MPPED2: variants seen among roughly 807,000 people sequenced by gnomAD.
MPPED2 encodes metallophosphoesterase domain containing 2.
A neutral mutation model predicts 33.0 loss-of-function variants in MPPED2; 5 were observed. That is an observed-to-expected ratio of 0.15 (90% CI 0.08 to 0.32). MPPED2 has a LOEUF of 0.32. Ranked by LOEUF, MPPED2 falls within the 10% of genes least tolerant of loss-of-function variation. MPPED2 has a pLI of 1.00. For missense variants in MPPED2, 275 were observed against 372.1 expected (o/e 0.74, Z 2.15); for synonymous variants, 136 against 141.9 (o/e 0.96, Z 0.29).
chr11:30,402,923 AT>A (rs1947929383), intron 6 of MPPED2, among the ~76,000 whole-genome samples: 1 of 152,134 alleles, frequency 6.6e-6, no homozygotes, highest in Non-Finnish European at 1.5e-5. Context: ...TTAGCTCTGG[AT>A]TTTTAATTTT....
At chr11:30,583,134 CTTT>C (rs199611856) in intron 1 of MPPED2, among the ~76,000 whole-genome samples, 38 of 96,676 alleles carry the variant, frequency 3.9e-4, no homozygotes, top group Middle Eastern at 6.0e-3. Context: ...AAGACTTTTT[CTTT>C]TTTTTTTTTT....
intron 3 of MPPED2, among the ~76,000 whole-genome samples, chr11:30,506,809 T>G (rs1952847287): frequency 6.6e-6 from 1 of 152,240 alleles, no homozygotes; most frequent in Admixed American, 6.5e-5. Context: ...TACTGTCATT[T>G]TTGCATGCTG....
At chr11:30,543,655 A>C (rs1955252055) in intron 2 of MPPED2, among the ~76,000 whole-genome samples, 1 of 152,210 alleles carries the variant, frequency 6.6e-6, no homozygotes. Context: ...GTGAAATTGC[A>C]ATTTACGACT....
intron 2 of MPPED2, among the ~76,000 whole-genome samples, chr11:30,545,767 G>A (rs1227419859): frequency 1.3e-5 from 2 of 152,120 alleles, no homozygotes; most frequent in Non-Finnish European, 2.9e-5. Flanking sequence ...CTTTACTCCA[G>A]CTTCTACAAT....
chr11:30,403,246 C>CAAAA (rs757620790), intron 6 of MPPED2, among the ~76,000 whole-genome samples: 1 of 107,690 alleles, frequency 9.3e-6, no homozygotes, highest in Non-Finnish European at 1.8e-5. Context: ...GACTCCGTCT[C>CAAAA]AAAAAAAAAA....
chr11:30,428,077 C>A (rs1021510280), intron 4 of MPPED2, among the ~76,000 whole-genome samples: 1 of 152,086 alleles, frequency 6.6e-6, no homozygotes, highest in Non-Finnish European at 1.5e-5. Context: ...AGCTGACATA[C>A]GGCCTGCCTT....
chr11:30,451,292 T>C (rs917687082), intron 4 of MPPED2, among the ~76,000 whole-genome samples: 1 of 152,224 alleles, frequency 6.6e-6, no homozygotes, highest in Non-Finnish European at 1.5e-5. Context: ...GCTGCTTTTG[T>C]TACATTCGAG....
intron 4 of MPPED2, among the ~76,000 whole-genome samples, chr11:30,443,881 T>C (rs1949689633): frequency 6.6e-6 from 1 of 152,226 alleles, no homozygotes; most frequent in Admixed American, 6.5e-5. Flanking sequence ...TTCTCCATAG[T>C]AATCCGAGGC....
chr11:30,481,533 C>T (rs1445997066), intron 4 of MPPED2, among the ~76,000 whole-genome samples: 1 of 152,130 alleles, frequency 6.6e-6, no homozygotes, highest in Non-Finnish European at 1.5e-5. Context: ...TAGAAACAAG[C>T]TCCAAGGACT....
intron 4 of MPPED2, among the ~76,000 whole-genome samples, chr11:30,476,128 T>G (rs1410518140): frequency 6.6e-6 from 1 of 152,100 alleles, no homozygotes; most frequent in Non-Finnish European, 1.5e-5. Flanking sequence ...GACTCCTTTA[T>G]GTATTCTGGA....
chr11:30,412,161 A>G (rs1175655225), intron 6 of MPPED2, among the ~76,000 whole-genome samples: 1 of 151,232 alleles, frequency 6.6e-6, no homozygotes, highest in African/African-American at 2.4e-5. Flanking sequence ...GTTCCATTTC[A>G]TTCAAAAGTG....
intron 4 of MPPED2, among the ~76,000 whole-genome samples, chr11:30,494,192 T>G (rs1210491099): frequency 6.6e-6 from 1 of 151,930 alleles, no homozygotes; most frequent in Non-Finnish European, 1.5e-5. Flanking sequence ...GTAGGGAGGT[T>G]TGAGAAACCC....
chr11:30,504,686 A>G, intron 3 of MPPED2: 1 of 925,078 alleles, frequency 1.1e-6, no homozygotes, highest in Non-Finnish European at 1.5e-6. Flanking sequence ...GTCCCCCGTC[A>G]GGCTCCATTA....
chr11:30,549,844 G>C (rs1490032742), intron 2 of MPPED2, among the ~76,000 whole-genome samples: 2 of 152,130 alleles, frequency 1.3e-5, no homozygotes, highest in African/African-American at 4.8e-5. Context: ...AAAGGGCATT[G>C]CAATAATTTT....
At chr11:30,534,137 A>C (rs564887360) in intron 3 of MPPED2, among the ~76,000 whole-genome samples, 1 of 152,194 alleles carries the variant, frequency 6.6e-6, no homozygotes, top group South Asian at 2.1e-4. Context: ...CAGTTTCCCA[A>C]GGTCAGTGGC....
At chr11:30,524,173 A>T (rs1954034195) in intron 3 of MPPED2, among the ~76,000 whole-genome samples, 1 of 152,122 alleles carries the variant, frequency 6.6e-6, no homozygotes, top group African/African-American at 2.4e-5. Flanking sequence ...GAATCGCTTG[A>T]GTCTGGGAGG....
intron 3 of MPPED2, among the ~76,000 whole-genome samples, chr11:30,534,707 GA>G (rs1954718168): frequency 1.3e-5 from 2 of 152,114 alleles, no homozygotes; most frequent in African/African-American, 4.8e-5. Flanking sequence ...CATATCCTTT[GA>G]CTTAGCAAAT....
At chr11:30,484,994 A>G (rs1951655309) in intron 4 of MPPED2, among the ~76,000 whole-genome samples, 1 of 152,174 alleles carries the variant, frequency 6.6e-6, no homozygotes, top group Non-Finnish European at 1.5e-5. Context: ...AAACAAAACC[A>G]AAAAATAATA....
In MPPED2 at chr11:30,580,534, A is replaced by G; in HGVS notation, c.-121-40T>C. The G allele has an allele frequency of 3.5e-6, 5 of 1,414,966 alleles. No individual in the cohort carries two copies. The East Asian group carries it at 1.3e-4, about 36-fold the overall frequency. 87.7% of individuals were successfully genotyped at this position (1,414,966 alleles called of 1,614,324 possible). On this transcript the variant is annotated intron_variant, in intron 1 of 6. Coordinates refer to ENST00000358117, the MANE Select transcript of MPPED2 (RefSeq NM_001584.3). ...AAATGTATATAAAATGAGAACAAAG[A>G]GAAAAAGGGTGTTCTAAGAGACATA...
Sources: gnomAD v4.1 joint callset for allele counts (sites outside exome capture counted in the v4.1 genomes callset) on GRCh38, gnomAD v4.1.1 for gene constraint, MANE v1.5 for transcripts, NCBI Gene and HGNC (gene_info 2026-07-23, HGNC 2026-07-21) for gene names.